ARHGEF4: variants seen among roughly 807,000 people sequenced by gnomAD.
ARHGEF4 encodes APC-stimulated guanine nucleotide exchange factor 1.
A neutral mutation model predicts 162.0 loss-of-function variants in ARHGEF4; 119 were observed. The observed-to-expected ratio is 0.73, with a 90% CI of 0.63 to 0.86. The LOEUF is 0.86. Among genes scored for constraint, ARHGEF4 ranks in the 40% least tolerant of loss-of-function variants. The pLI, the probability that ARHGEF4 is intolerant of heterozygous loss-of-function variation, is 0.00. For missense variants in ARHGEF4, 2,488 were observed against 2,456.0 expected (o/e 1.01, Z -0.28); for synonymous variants, 1,014 against 979.9 (o/e 1.03, Z -0.65).
chr2:130,872,226 G>A (rs1478115625), intron 1 of ARHGEF4, among the ~76,000 whole-genome samples: 1 of 152,180 alleles, frequency 6.6e-6, no homozygotes, highest in Non-Finnish European at 1.5e-5. Flanking sequence ...CAAAACACAG[G>A]GCTCAAGCTT....
Position 131,027,979 on chromosome 2 carries a change from C to A in ARHGEF4, c.4020C>A (p.Cys1340Ter). 1 of 1,614,052 alleles carries A rather than the reference C, an allele frequency of 6.2e-7. No individual in the cohort carries two copies. Among genetic ancestry groups the A allele is most frequent in the Non-Finnish European group, 8.5e-7 (1 of 1,180,018 alleles). The change falls in exon 5 of 14, where the codon TGC (cysteine) becomes TGA (stop). Residue 1340 changes from cysteine (C) to a stop codon, truncating the protein, a stop_gained. Transcript: ENST00000409359. LOFTEE classifies it high-confidence loss of function. ...ATGGAGCTCTGGACACAGCTGTCTG[C>A]GCTGACGAAGTGGGGAGCGAGGAGG... is the stretch of plus-strand genomic sequence containing the variant. Reference protein sequence around the residue: ...MPDGALDTAVCADEVGSEEDL... With the variant: ...MPDGALDTAV
At chr2:130,969,750 T>C (rs193089400) in intron 4 of ARHGEF4, among the ~76,000 whole-genome samples, 2 of 152,228 alleles carry the variant, frequency 1.3e-5, no homozygotes, top group Admixed American at 1.3e-4. Flanking sequence ...ATAATAAAAA[T>C]ATAGAAGAGT....
intron 4 of ARHGEF4, among the ~76,000 whole-genome samples, chr2:130,967,431 A>T (rs553765482): frequency 3.6e-4 from 54 of 152,032 alleles, no homozygotes; most frequent in African/African-American, 1.3e-3. Flanking sequence ...TCTGTTCTGG[A>T]TGTGTCATCT....
intron 4 of ARHGEF4, among the ~76,000 whole-genome samples, chr2:131,006,776 A>G (rs1482392039): frequency 6.6e-6 from 1 of 152,188 alleles, no homozygotes; most frequent in Non-Finnish European, 1.5e-5. Flanking sequence ...ACCAACACCT[A>G]GGTGCGGGGA....
At chr2:130,946,363 A>C in intron 3 of ARHGEF4, 146 bp from the exon 4 acceptor site, 1 of 961,982 alleles carries the variant, frequency 1.0e-6, no homozygotes, top group Non-Finnish European at 1.5e-6. Context: ...TTGATGTGAA[A>C]GGCATCCCCT....
intron 1 of ARHGEF4, among the ~76,000 whole-genome samples, chr2:130,882,700 C>T (rs1389254596): frequency 1.3e-5 from 2 of 151,944 alleles, no homozygotes; most frequent in African/African-American, 2.4e-5. Flanking sequence ...CAAACTAGTG[C>T]GAACACAGAC....
At chr2:131,032,848 C>CTTTTTTTTTTTTT (rs111971610) in intron 5 of ARHGEF4, among the ~76,000 whole-genome samples, 16 of 128,612 alleles carry the variant, frequency 1.2e-4, no homozygotes, top group East Asian at 4.4e-4. Context: ...TTTCTTTTTT[C>CTTTTTTTTTTTTT]TTTTTTTTTT....
chr2:130,881,677 G>A (rs1679197871), intron 1 of ARHGEF4, among the ~76,000 whole-genome samples: 1 of 152,126 alleles, frequency 6.6e-6, no homozygotes, highest in African/African-American at 2.4e-5. Flanking sequence ...TGCTTCGGGA[G>A]ATGTAAGGAG....
chr2:130,962,541 A>ACT (rs1425498010), intron 4 of ARHGEF4, among the ~76,000 whole-genome samples: 1 of 152,124 alleles, frequency 6.6e-6, no homozygotes, highest in Non-Finnish European at 1.5e-5. Flanking sequence ...AGGAGAGGAG[A>ACT]AAGCGTCTAT....
chr2:130,856,639 G>A (rs191583652), intron 1 of ARHGEF4, among the ~76,000 whole-genome samples: 36 of 152,212 alleles, frequency 2.4e-4, no homozygotes, highest in African/African-American at 4.3e-4. Flanking sequence ...AAGTGATTGC[G>A]GAAAATAATC....
intron 4 of ARHGEF4, among the ~76,000 whole-genome samples, chr2:131,024,655 T>C (rs979510067): frequency 1.3e-5 from 2 of 152,212 alleles, no homozygotes; most frequent in Non-Finnish European, 2.9e-5. Flanking sequence ...GTTTTAGATG[T>C]GTATCGTGGT....
chr2:131,036,196 C>G (rs530969471), intron 5 of ARHGEF4, among the ~76,000 whole-genome samples: 1 of 152,354 alleles, frequency 6.6e-6, no homozygotes, highest in South Asian at 2.1e-4. Flanking sequence ...AGCGCAATAG[C>G]ATCGGAGGTG....
intron 4 of ARHGEF4, among the ~76,000 whole-genome samples, chr2:130,981,804 A>G (rs557133488): frequency 9.6e-4 from 146 of 152,282 alleles, no homozygotes; most frequent in South Asian, 1.9e-3. Context: ...CTGATCACAC[A>G]AGTCAGTATC....
intron 4 of ARHGEF4, among the ~76,000 whole-genome samples, chr2:131,026,913 T>G (rs1262285980): frequency 6.6e-6 from 1 of 152,236 alleles, no homozygotes; most frequent in Non-Finnish European, 1.5e-5. Context: ...GACAAATATC[T>G]TAGCTATTAT....
intron 4 of ARHGEF4, among the ~76,000 whole-genome samples, chr2:130,984,298 C>G (rs1425138877): frequency 6.6e-6 from 1 of 152,166 alleles, no homozygotes; most frequent in East Asian, 1.9e-4. Context: ...AGAACAGCAG[C>G]ACAGAAACCT....
At chr2:130,965,154 G>A (rs1456293005) in intron 4 of ARHGEF4, among the ~76,000 whole-genome samples, 1 of 152,206 alleles carries the variant, frequency 6.6e-6, no homozygotes, top group Non-Finnish European at 1.5e-5. Context: ...CCTCACGTAG[G>A]TGTGGAATGA....
At chr2:131,039,220 G>C (rs927843971) in intron 6 of ARHGEF4, among the ~76,000 whole-genome samples, 188 bp downstream of exon 6, 1 of 152,212 alleles carries the variant, frequency 6.6e-6, no homozygotes, top group African/African-American at 2.4e-5. Flanking sequence ...TTCCTCTTCT[G>C]GTGAGCCCTC....
chr2:131,040,314 G>A lies in ARHGEF4; in HGVS notation c.4536G>A (p.Leu1512=). 1 of 1,613,004 alleles carries A rather than the reference G, an allele frequency of 6.2e-7. No homozygotes were observed. The highest frequency in any genetic ancestry group is 8.5e-7 in the Non-Finnish European group (1 of 1,179,820). The change falls in exon 8 of 14, where the codon CTG becomes CTA. Residue 1512 remains leucine (L), a synonymous_variant. Coordinates refer to ENST00000409359, the MANE Select transcript of ARHGEF4 (RefSeq NM_001367493.1). ...CAGACATGTTCAGCGAGGAGCAGCT[G>A]CGTACCATCTTCGGGAACATCGAGG... ...KRADMFSEEQ[L]RTIFGNIEDI...
At chr2:130,946,919 A>G (rs1345446965) in intron 4 of ARHGEF4, 3 of 297,528 alleles carry the variant, frequency 1.0e-5, no homozygotes, top group Non-Finnish European at 1.3e-5. Context: ...CCTGGGCAAC[A>G]TGGTGAAACC....
Sources: allele counts gnomAD v4.1 joint callset (sites outside exome capture counted in the v4.1 genomes callset), GRCh38; gene constraint gnomAD v4.1.1; transcripts MANE v1.5; gene names NCBI Gene and HGNC (gene_info 2026-07-23, HGNC 2026-07-21).